Variants in MIDN observed in about 807,000 individuals in gnomAD.
MIDN encodes midbrain nucleolar protein.
In MIDN, 26 loss-of-function variants were observed where a neutral mutation model predicts 46.1. That is an observed-to-expected ratio of 0.56 (90% CI 0.41 to 0.78). The LOEUF (loss-of-function observed/expected upper bound fraction) is 0.78, where lower values mean the gene tolerates loss of function less well. Among genes scored for constraint, MIDN ranks in the 30% least tolerant of loss-of-function variants. The pLI is 0.00. For synonymous variants in MIDN, 432 were observed against 343.3 expected, an observed-to-expected ratio of 1.26 and a Z score of -2.86; for missense variants, 850 against 771.8, an observed-to-expected ratio of 1.10 and a Z score of -1.20.
In MIDN at chr19:1,257,250, A is replaced by C; in HGVS notation, c.1514A>C (p.Lys505Thr). ...AAGCCAGAAGTCAACCCTGACATCA[A>C]GTCAGAGTTCGTGGTGGCTTAGGAT... is the stretch of plus-strand genomic sequence containing the variant. Reference protein sequence around the residue: ...VWKPEVNPDIKSEFVVA With the variant: ...VWKPEVNPDITSEFVVA The change falls in exon 9 of 9, where the codon AAG becomes ACG. Residue 505 changes from lysine to threonine, a missense_variant. By Grantham distance (78) the Lys-to-Thr change is moderately conservative (BLOSUM62 -1). Transcript: ENST00000682408. 1.2e-6 allele frequency: 2 copies of C among 1,612,106 alleles called. No individual in the cohort carries two copies. Among genetic ancestry groups the C allele is most frequent in the Non-Finnish European group, 1.7e-6 (2 of 1,179,668 alleles).
Position 1,257,195 on chromosome 19 carries a change from T to C in MIDN, c.1459T>C (p.Leu487=). Residue 487 remains leucine, a synonymous_variant, in exon 9 of 9, where the codon TTG becomes CTG. Coordinates refer to ENST00000682408, the MANE Select transcript of MIDN (RefSeq NM_001388306.1). ...GGGSPSEASG[L]GLDFEDSVWK... The stretch of plus-strand genomic sequence containing the variant: ...CGGCAGCCCCAGCGAGGCCTCCGGC[T>C]TGGGCCTCGACTTCGAGGACTCCGT... 1 of 1,612,088 alleles carries C rather than the reference T, an allele frequency of 6.2e-7. No homozygotes were observed. The highest frequency in any genetic ancestry group is 2.2e-5 in the East Asian group (1 of 44,854).
chr19:1,252,736 G>T (rs1362676853), intron 4 of MIDN, among the ~76,000 whole-genome samples: 1 of 152,234 alleles, frequency 6.6e-6, no homozygotes, highest in East Asian at 1.9e-4. Context: ...CTGGCCCCGA[G>T]GCCCGCACCC....
In MIDN at chr19:1,255,582, C is replaced by G. The variant is rs372146483; in HGVS notation, c.1146C>G (p.Ala382=). 1 of 1,611,202 alleles carries G rather than the reference C, an allele frequency of 6.2e-7. No individual in the cohort carries two copies. Among genetic ancestry groups the G allele is most frequent in the Non-Finnish European group, 8.5e-7 (1 of 1,179,488 alleles). ...QLRCHAQCSP[A]SPAPDLAPRT... ...GCTGCCACGCCCAGTGCTCCCCGGCCTCACCGGCCCCCGACCTGGCCCCCA... is the reference window on the plus strand; with the variant it reads ...GCTGCCACGCCCAGTGCTCCCCGGCGTCACCGGCCCCCGACCTGGCCCCCA... The change falls in exon 8 of 9, where the codon GCC becomes GCG. Residue 382 remains alanine, a synonymous_variant. Transcript: ENST00000682408.
chr19:1,255,534 G>A lies in MIDN; in HGVS notation c.1098G>A (p.Met366Ile). The change falls in exon 8 of 9, where the codon ATG becomes ATA. Residue 366 changes from methionine to isoleucine, a missense_variant. Transcript: ENST00000682408. ...LLSATRHYQG[M>I]PPSLAQLRCH... ...GCGCCACCCGGCACTACCAGGGCAT[G>A]CCCCCTTCGCTGGCCCAGCTCCGCT... 6.2e-7 allele frequency: 1 copy of A among 1,611,910 alleles called. No individual in the cohort carries two copies.
intron 4 of MIDN, among the ~76,000 whole-genome samples, chr19:1,252,380 C>T (rs1433366658): frequency 2.6e-5 from 4 of 151,972 alleles, no homozygotes; most frequent in Non-Finnish European, 4.4e-5. Context: ...TCGTCACCCT[C>T]CCCTCCTCTC....
At chr19:1,251,078 T>C (rs943603909) in intron 2 of MIDN, among the ~76,000 whole-genome samples, 11 of 149,326 alleles carry the variant, frequency 7.4e-5, no homozygotes, top group African/African-American at 2.7e-4. Context: ...AGGGGGAGGG[T>C]CTCCTTTGTC....
At chr19:1,249,704 T>C (rs1599971397) in intron 1 of MIDN, among the ~76,000 whole-genome samples, 186 bp from the exon 2 acceptor site, 1 of 148,370 alleles carries the variant, frequency 6.7e-6, no homozygotes, top group Non-Finnish European at 1.5e-5. Flanking sequence ...CGGGCCCGGC[T>C]GCCACGTGGG....
At position 1,254,264 on chromosome 19, in the gene MIDN, C is replaced by T. The variant is rs1301581173; in HGVS notation, c.611C>T (p.Ala204Val). 1.3e-6 allele frequency: 2 copies of T among 1,587,706 alleles called. No homozygotes were observed. The highest frequency in any genetic ancestry group is 1.7e-6 in the Non-Finnish European group (2 of 1,173,874). ...FVQLQLAAQH[A>V]PLQHRHVLAA... is the part of the protein sequence containing the mutation. ...CAGCTGCAGCTCGCGGCCCAGCACGCTCCACTGCAACACCGCCATGTGCTG... is the reference window on the plus strand; with the variant it reads ...CAGCTGCAGCTCGCGGCCCAGCACGTTCCACTGCAACACCGCCATGTGCTG... Residue 204 changes from alanine (A) to valine (V), a missense_variant, in exon 6 of 9, where the codon GCT becomes GTT. Physicochemically the swap from Ala to Val is moderately conservative, Grantham distance 64. Transcript: ENST00000682408.
intron 8 of MIDN, among the ~76,000 whole-genome samples, chr19:1,256,481 CAAAA>C (rs562682759): frequency 3.5e-5 from 2 of 56,516 alleles, no homozygotes; most frequent in African/African-American, 6.5e-5. Flanking sequence ...GACTCCGTCT[CAAAA>C]AAAAAAAAAA....
intron 8 of MIDN, among the ~76,000 whole-genome samples, chr19:1,256,444 T>C (rs2081200046): frequency 6.9e-6 from 1 of 145,634 alleles, no homozygotes; most frequent in African/African-American, 2.6e-5. Context: ...ATCGCGCCAC[T>C]GCACTCCAGC....
At chr19:1,251,706 C>G (rs568163679) in intron 3 of MIDN, 57 bp downstream of exon 3, 2 of 1,552,824 alleles carry the variant, frequency 1.3e-6, no homozygotes, top group South Asian at 1.1e-5. Flanking sequence ...GCAGTAGCCC[C>G]TCCCTCGGTA....
intron 6 of MIDN, among the ~76,000 whole-genome samples, 178 bp from the exon 7 acceptor site, chr19:1,254,724 T>C (rs2081176580): frequency 6.6e-6 from 1 of 152,116 alleles, no homozygotes; most frequent in African/African-American, 2.4e-5. Context: ...CTTTGACTCA[T>C]GGGTCATCTC....
chr19:1,253,123 C>T (rs2081153332), intron 4 of MIDN, among the ~76,000 whole-genome samples: 1 of 151,948 alleles, frequency 6.6e-6, no homozygotes, highest in African/African-American at 2.4e-5. Flanking sequence ...CGCCCATTAG[C>T]CTTCCCCAGG....
intron 4 of MIDN, among the ~76,000 whole-genome samples, chr19:1,252,409 C>A (rs2081142034): frequency 7.7e-6 from 1 of 129,804 alleles, no homozygotes; most frequent in African/African-American, 2.5e-5. Context: ...TTGTTCTCTA[C>A]CCCGAAAGGG....
intron 7 of MIDN, 52 bp downstream of exon 7, chr19:1,255,113 A>C: frequency 6.4e-7 from 1 of 1,574,292 alleles, no homozygotes. Flanking sequence ...GACCCTGTGC[A>C]TTTGGGGTCT....
chr19:1,256,160 G>T (rs1199785940), intron 8 of MIDN, among the ~76,000 whole-genome samples: 1 of 152,356 alleles, frequency 6.6e-6, no homozygotes, highest in Admixed American at 6.5e-5. Flanking sequence ...CTCTGCACCC[G>T]TCGCGGGGGC....
Position 1,250,425 on chromosome 19 carries a change from C to T in MIDN, c.129C>T (p.Tyr43=), listed in dbSNP as rs763172491. 6.6e-5 allele frequency: 91 copies of T among 1,369,832 alleles called. No homozygotes were observed. In the South Asian group the frequency reaches 8.6e-4, roughly 13 times the overall value. 84.9% of individuals were successfully genotyped at this position (1,369,832 alleles called of 1,614,324 possible). A position where few individuals can be genotyped will look rare whatever the true frequency, so the allele number is the denominator to read the frequency against. The change falls in exon 2 of 9, where the codon TAC becomes TAT. Residue 43 remains tyrosine (Y), a synonymous_variant. Coordinates refer to ENST00000682408, the MANE Select transcript of MIDN (RefSeq NM_001388306.1). ...LAIHSTTGTR[Y]DLAVPPDETV... The stretch of plus-strand genomic sequence containing the variant: ...TCCACAGCACCACGGGCACCCGCTA[C>T]GACCTGGCCGTGCCGCCCGACGAGA...
In MIDN at chr19:1,255,447, C is replaced by T. The variant is rs2081187464; in HGVS notation, c.1011C>T (p.Asp337=). The T allele has an allele frequency of 1.3e-6, 2 of 1,599,866 alleles. No homozygotes were observed. Among genetic ancestry groups the T allele is most frequent in the Non-Finnish European group, 1.7e-6 (2 of 1,174,018 alleles). The change falls in exon 8 of 9, where the codon GAC becomes GAT. Residue 337 remains aspartate, a synonymous_variant. Transcript: ENST00000682408. ...FSGTLHPNCQ[D]SSGRPRRDIG... is the part of the protein sequence containing the mutation. ...GCACGCTACACCCCAACTGCCAAGA[C>T]AGCAGCGGGCGGCCGCGGCGTGACA...
Position 1,251,463 on chromosome 19 carries a change from C to T in MIDN, c.234-99C>T, listed in dbSNP as rs951145127. The T allele has an allele frequency of 3.8e-5, 41 of 1,067,332 alleles. No homozygotes were observed. The African/African-American group carries it at 5.2e-4, about 14-fold the overall frequency. 66.1% of individuals were successfully genotyped at this position (1,067,332 alleles called of 1,614,324 possible). ...GAAGGGGTGGGGGTGGGAACTTATC[C>T]GTCTCTCCCCACACAAGCACAGCCC... is the stretch of plus-strand genomic sequence containing the variant. On this transcript the variant is annotated intron_variant, in intron 2 of 8. Transcript: ENST00000682408.
Sources: gnomAD v4.1 joint callset for allele counts (sites outside exome capture counted in the v4.1 genomes callset) on GRCh38, gnomAD v4.1.1 for gene constraint, MANE v1.5 for transcripts, NCBI Gene and HGNC (gene_info 2026-07-23, HGNC 2026-07-21) for gene names.